HPSE2: variants seen among roughly 807,000 people sequenced by gnomAD.
The protein encoded by HPSE2 is inactive heparanase-2.
A neutral mutation model predicts 60.5 loss-of-function variants in HPSE2; 38 were observed. The observed-to-expected ratio is 0.63, with a 90% CI of 0.48 to 0.82. The LOEUF (loss-of-function observed/expected upper bound fraction) is 0.82. Among genes scored for constraint, HPSE2 ranks in the 40% least tolerant of loss-of-function variants. HPSE2 has a pLI of 0.00. For synonymous variants in HPSE2, 295 were observed against 293.2 expected (o/e 1.01, Z -0.06); for missense variants, 713 against 740.4 (o/e 0.96, Z 0.43).
At chr10:99,242,467 G>C in the HPSE2 span, among the ~76,000 whole-genome samples, 75,071 of 151,996 alleles carry the variant, frequency 0.49, 21,715 homozygotes, top group Non-Finnish European at 0.64. Context: ...ACTCTAATAA[G>C]TTCAGTTTGA....
intron 6 of HPSE2, among the ~76,000 whole-genome samples, chr10:98,672,283 A>G (rs1947526196): frequency 6.6e-6 from 1 of 152,188 alleles, no homozygotes; most frequent in Non-Finnish European, 1.5e-5. Context: ...GCAGAAAACC[A>G]CAGTTATGCT....
chr10:99,290,038 G>T, the HPSE2 span, among the ~76,000 whole-genome samples: 1,323 of 152,170 alleles, frequency 8.7e-3, 17 homozygotes, highest in Non-Finnish European at 0.012. Flanking sequence ...CAGGGGTTGG[G>T]CCAAGAACAG....
chr10:99,208,304 C>T (rs1848830295), intron 2 of HPSE2, among the ~76,000 whole-genome samples: 1 of 151,942 alleles, frequency 6.6e-6, no homozygotes. Context: ...AACAAAACTA[C>T]CAGAAAACAT....
chr10:98,872,421 G>A (rs369690835), intron 3 of HPSE2, among the ~76,000 whole-genome samples: 12 of 152,072 alleles, frequency 7.9e-5, no homozygotes, highest in African/African-American at 2.7e-4. Flanking sequence ...TCAATTTTCT[G>A]TTATCTTCAT....
intron 3 of HPSE2, among the ~76,000 whole-genome samples, chr10:98,972,893 G>T (rs1024727415): frequency 1.3e-5 from 2 of 152,078 alleles, no homozygotes; most frequent in African/African-American, 4.8e-5. Flanking sequence ...GACATGTATG[G>T]GGTGGGGAGC....
chr10:99,293,880 C>T, the HPSE2 span, among the ~76,000 whole-genome samples: 4 of 152,128 alleles, frequency 2.6e-5, no homozygotes, highest in African/African-American at 9.7e-5. Context: ...TCTCTCAGTC[C>T]AAACCCAAAT....
intron 3 of HPSE2, among the ~76,000 whole-genome samples, chr10:99,079,287 G>C (rs1843051422): frequency 6.6e-6 from 1 of 152,066 alleles, no homozygotes; most frequent in Admixed American, 6.6e-5. Context: ...CTGGGAACTA[G>C]GGTATATTCA....
chr10:99,090,549 A>T, intron 3 of HPSE2, among the ~76,000 whole-genome samples: 1 of 152,290 alleles, frequency 6.6e-6, no homozygotes, highest in East Asian at 1.9e-4. Context: ...ATAAAATTTA[A>T]GTATACATGC....
intron 3 of HPSE2, among the ~76,000 whole-genome samples, chr10:98,888,982 G>A (rs1254354534): frequency 6.6e-6 from 1 of 152,072 alleles, no homozygotes; most frequent in Non-Finnish European, 1.5e-5. Context: ...CTTGAGGCTA[G>A]GAGTTCAAGA....
intron 3 of HPSE2, among the ~76,000 whole-genome samples, chr10:99,111,892 G>A (rs1844477380): frequency 6.6e-6 from 1 of 152,138 alleles, no homozygotes; most frequent in Admixed American, 6.5e-5. Context: ...CTAGAGATCT[G>A]TAATTGTTTG....
At chr10:98,928,910 G>A (rs1217393251) in intron 3 of HPSE2, among the ~76,000 whole-genome samples, 1 of 139,846 alleles carries the variant, frequency 7.2e-6, no homozygotes, top group African/African-American at 3.0e-5. Flanking sequence ...AGTGGGTGCA[G>A]CGCACCAGCA....
chr10:98,776,278 CAAAAAAA>C (rs35176062), intron 3 of HPSE2, among the ~76,000 whole-genome samples: 2 of 137,084 alleles, frequency 1.5e-5, no homozygotes, highest in African/African-American at 5.5e-5. Context: ...ACTAAAAATA[CAAAAAAA>C]AAAAAAAAAA....
At chr10:99,063,656 G>C (rs1842520231) in intron 3 of HPSE2, among the ~76,000 whole-genome samples, 1 of 151,978 alleles carries the variant, frequency 6.6e-6, no homozygotes, top group Non-Finnish European at 1.5e-5. Flanking sequence ...ACACATAAAA[G>C]GATGCAGATT....
rs370830036 is a variant in HPSE2, at chr10:98,782,690, G to A, written c.611-38634C>T. On this transcript the variant is annotated intron_variant, in intron 3 of 11. Transcript: ENST00000370552. ...GATGAGAGGAGAGACATATTGGCCA[G>A]TGGAATAGACTAGAGTCCAGAAACA... is the stretch of plus-strand genomic sequence containing the variant. 3.1e-5 allele frequency among the ~76,000 whole-genome samples: 3 copies of A among 95,626 alleles called. No homozygotes were observed. In the South Asian group the frequency reaches 1.2e-3, roughly 38 times the overall value. 62.7% of individuals were successfully genotyped at this position (95,626 alleles called of 152,430 possible). A position where few individuals can be genotyped will look rare whatever the true frequency, so the allele number is the denominator to read the frequency against.
At chr10:98,478,934 T>C (rs1425701739) in intron 11 of HPSE2, among the ~76,000 whole-genome samples, 1 of 152,116 alleles carries the variant, frequency 6.6e-6, no homozygotes, top group African/African-American at 2.4e-5. Context: ...GTCTTACGAT[T>C]GGTTCATTCA....
chr10:98,488,065 G>A (rs1167012343), intron 10 of HPSE2, among the ~76,000 whole-genome samples: 1 of 151,826 alleles, frequency 6.6e-6, no homozygotes, highest in Non-Finnish European at 1.5e-5. Context: ...TTTTAACAGA[G>A]AGTGAGAGAG....
rs147628817 is a variant in HPSE2 at position 98,932,021 on chromosome 10, G to A, written c.611-187965C>T. Among the ~76,000 whole-genome samples, 934 of 143,848 alleles carry A rather than the reference G, an allele frequency of 6.5e-3. 88 individuals are homozygous for A. Among genetic ancestry groups the A allele is most frequent in the Non-Finnish European group, 9.7e-3 (651 of 67,178 alleles). The allele number at this position is 143,848 out of a possible 152,430, so 94.4% of individuals were successfully genotyped here. A position where few individuals can be genotyped will look rare whatever the true frequency, so the allele number is the denominator to read the frequency against. ...CAGCACTTGGTTGAAAAGGAGTGGT[G>A]AGAGAGGGCATCCTTGTCTTGTGCC... On this transcript the variant is annotated intron_variant, in intron 3 of 11. Coordinates refer to ENST00000370552, the MANE Select transcript of HPSE2 (RefSeq NM_021828.5).
At chr10:99,130,735 C>T (rs935017118) in intron 3 of HPSE2, among the ~76,000 whole-genome samples, 52 of 152,128 alleles carry the variant, frequency 3.4e-4, no homozygotes, top group African/African-American at 1.3e-3. Context: ...GGTGCAGGGG[C>T]CTTAAGACTA....
chr10:99,049,871 A>G (rs1322906304), intron 3 of HPSE2, among the ~76,000 whole-genome samples: 1 of 152,230 alleles, frequency 6.6e-6, no homozygotes, highest in Non-Finnish European at 1.5e-5. Flanking sequence ...TACCCAGAAT[A>G]TATAATGAAC....
Sources: gnomAD v4.1 joint callset for allele counts (sites outside exome capture counted in the v4.1 genomes callset) on GRCh38, gnomAD v4.1.1 for gene constraint, MANE v1.5 for transcripts, NCBI Gene and HGNC (gene_info 2026-07-23, HGNC 2026-07-21) for gene names.